The following SPECC1 variants were observed in gnomAD, a reference collection of about 807,000 sequenced individuals.
SPECC1 encodes sperm antigen with calponin homology and coiled-coil domains 1, also known as cytospin-B.
A neutral mutation model predicts 104.1 loss-of-function variants in SPECC1; 62 were observed. The observed-to-expected ratio is 0.60, with a 90% CI of 0.49 to 0.74. SPECC1 has a LOEUF of 0.74. Ranked by LOEUF, SPECC1 falls within the 30% of genes least tolerant of loss-of-function variation. SPECC1 has a pLI of 0.00. For synonymous variants in SPECC1, 513 were observed against 501.6 expected (o/e 1.02, Z -0.30); for missense variants, 1,306 against 1,310.5 (o/e 1.00, Z 0.05).
intron 9 of SPECC1, among the ~76,000 whole-genome samples, chr17:20,251,271 G>A (rs112849264): frequency 1.2e-3 from 174 of 142,218 alleles, no homozygotes; most frequent in Non-Finnish European, 2.0e-3. Flanking sequence ...GGTGGTGGCA[G>A]GAAAATGTAG....
At chr17:20,243,098 G>A (rs1010593319) in intron 7 of SPECC1, among the ~76,000 whole-genome samples, 1 of 152,162 alleles carries the variant, frequency 6.6e-6, no homozygotes, top group Non-Finnish European at 1.5e-5. Flanking sequence ...TTTGTAAACA[G>A]TCATGTTTAC....
chr17:20,100,971 C>G (rs1597700685), intron 2 of SPECC1, among the ~76,000 whole-genome samples: 1 of 152,320 alleles, frequency 6.6e-6, no homozygotes, highest in Non-Finnish European at 1.5e-5. Flanking sequence ...CAGCTTCATC[C>G]ATGTCCCTGC....
chr17:20,112,075 G>A, intron 3 of SPECC1: 1 of 766,512 alleles, frequency 1.3e-6, no homozygotes, highest in Non-Finnish European at 2.4e-6. Context: ...GGATTGTCAG[G>A]ATTCCACATA....
intron 1 of SPECC1, among the ~76,000 whole-genome samples, chr17:20,014,170 G>T (rs2044037984): frequency 6.6e-6 from 1 of 152,150 alleles, no homozygotes; most frequent in African/African-American, 2.4e-5. Context: ...GGATACTGTG[G>T]TTTTAATTTG....
chr17:20,099,162 T>TTC (rs1378361244), intron 2 of SPECC1, among the ~76,000 whole-genome samples: 13 of 142,758 alleles, frequency 9.1e-5, no homozygotes, highest in African/African-American at 3.1e-4. Flanking sequence ...ATGTGTAATT[T>TTC]TGTTTATTAT....
intron 11 of SPECC1, 48 bp from the exon 12 acceptor site, chr17:20,260,144 C>G: frequency 6.9e-7 from 1 of 1,439,680 alleles, no homozygotes; most frequent in Non-Finnish European, 9.6e-7. Flanking sequence ...TTTGAGAATT[C>G]TAAGTATTAG....
Position 20,204,496 on chromosome 17 carries a change from C to T in SPECC1, c.447C>T (p.Thr149=), listed in dbSNP as rs1250958263. ...CCACTCCTACGAAACACCTGAGGAC[C>T]CCTTCCACAAAGCCCAAGCAAGAGA... ...NTPTPTKHLR[T]PSTKPKQENE... The change falls in exon 4 of 15, where the codon ACC becomes ACT. Residue 149 remains threonine, a synonymous_variant. Coordinates refer to ENST00000395527, the MANE Select transcript of SPECC1 (RefSeq NM_001243439.2). The T allele has an allele frequency of 7.4e-6, 12 of 1,614,096 alleles. No homozygotes were observed. The highest frequency in any genetic ancestry group is 1.0e-5 in the Non-Finnish European group (12 of 1,180,030).
chr17:20,056,381 G>A, intron 1 of SPECC1: 1 of 190,088 alleles, frequency 5.3e-6, no homozygotes, highest in East Asian at 1.3e-4. Flanking sequence ...CTAGCTAACC[G>A]CAGCAAGGAC....
At chr17:20,301,855 G>A (rs2041597817) in intron 13 of SPECC1, among the ~76,000 whole-genome samples, 2 of 151,948 alleles carry the variant, frequency 1.3e-5, no homozygotes, top group East Asian at 1.9e-4. Context: ...ACAGGCACAC[G>A]GCACTACACC....
intron 12 of SPECC1, among the ~76,000 whole-genome samples, chr17:20,287,141 G>A (rs756446220): frequency 8.5e-5 from 13 of 152,192 alleles, no homozygotes; most frequent in Non-Finnish European, 1.8e-4. Context: ...GCTTTGGCCG[G>A]GCGCGGGTGC....
intron 13 of SPECC1, among the ~76,000 whole-genome samples, chr17:20,305,218 A>G (rs1398051803): frequency 6.6e-6 from 1 of 152,108 alleles, no homozygotes; most frequent in Non-Finnish European, 1.5e-5. Context: ...GAGGACTTAA[A>G]TGTGCTTCCA....
At chr17:20,072,753 G>T (rs780573439) in intron 1 of SPECC1, among the ~76,000 whole-genome samples, 1 of 152,222 alleles carries the variant, frequency 6.6e-6, no homozygotes, top group African/African-American at 2.4e-5. Flanking sequence ...TGCAAGAGCA[G>T]ACTGGCTGCC....
At chr17:20,088,027 A>G (rs568331440) in intron 1 of SPECC1, among the ~76,000 whole-genome samples, 1 of 152,096 alleles carries the variant, frequency 6.6e-6, no homozygotes, top group South Asian at 2.1e-4. Context: ...AACTAGCTGC[A>G]CATGCTCAGG....
chr17:20,128,103 A>G (rs796565252), intron 3 of SPECC1, among the ~76,000 whole-genome samples: 3 of 152,322 alleles, frequency 2.0e-5, no homozygotes, highest in African/African-American at 7.2e-5. Context: ...TCAGTGTGTA[A>G]GTGCTGGAGC....
intron 14 of SPECC1, 196 bp downstream of exon 14, chr17:20,306,278 A>T (rs2041762234): frequency 1.9e-6 from 1 of 517,676 alleles, no homozygotes; most frequent in Non-Finnish European, 3.4e-6. Flanking sequence ...ATCGCATAAG[A>T]TTTCATATGG....
chr17:20,247,257 A>C lies in SPECC1; in HGVS notation c.2536A>C (p.Arg846=), dbSNP rs745837873. ...GQNISVHKTP[R]SPLSGIPVRT... ...GAATATTTCTGTCCATAAGACCCCC[A>C]GAAGTCCCCTAAGTGGGATACCAGT... Residue 846 remains arginine, a synonymous_variant, in exon 9 of 15, where the codon AGA becomes CGA. Transcript: ENST00000395527. The C allele has an allele frequency of 6.8e-6, 11 of 1,613,654 alleles. No homozygotes were observed. The highest frequency in any genetic ancestry group is 1.3e-5 in the African/African-American group (1 of 74,924).
chr17:20,315,779 C>T lies in SPECC1; in HGVS notation c.*1714C>T, dbSNP rs1043602123. 1.3e-5 allele frequency: 3 copies of T among 232,532 alleles called. No individual in the cohort carries two copies. The highest frequency in any genetic ancestry group is 2.5e-5 in the Non-Finnish European group (3 of 117,676). The allele number at this position is 232,532 out of a possible 1,614,324, so 14.4% of individuals were successfully genotyped here. A position where few individuals can be genotyped will look rare whatever the true frequency, so the allele number is the denominator to read the frequency against. On this transcript the variant is annotated 3_prime_UTR_variant, in exon 15 of 15. Transcript: ENST00000395527. ...TGCACGGGTCAGCAGATCCCTGATTCTCAAGCCACCTTGAGACAAGAACTC... is the reference window on the plus strand; with the variant it reads ...TGCACGGGTCAGCAGATCCCTGATTTTCAAGCCACCTTGAGACAAGAACTC...
At chr17:20,145,970 T>C (rs1482078714) in intron 3 of SPECC1, among the ~76,000 whole-genome samples, 1 of 152,204 alleles carries the variant, frequency 6.6e-6, no homozygotes, top group Admixed American at 6.6e-5. Flanking sequence ...ATAGAAAGTT[T>C]CCATATATAC....
intron 12 of SPECC1, among the ~76,000 whole-genome samples, chr17:20,266,171 G>A (rs1417895167): frequency 1.3e-5 from 2 of 152,210 alleles, no homozygotes; most frequent in Non-Finnish European, 2.9e-5. Flanking sequence ...GGGCAGTATA[G>A]CCATTTGAAT....
Sources: allele counts gnomAD v4.1 joint callset (sites outside exome capture counted in the v4.1 genomes callset), GRCh38; gene constraint gnomAD v4.1.1; transcripts MANE v1.5; gene names NCBI Gene and HGNC (gene_info 2026-07-23, HGNC 2026-07-21).